Variants in PLEKHM3 observed in about 807,000 individuals in gnomAD.
PLEKHM3 encodes pleckstrin homology domain-containing family M member 3.
PLEKHM3 carries 45 observed loss-of-function variants against 81.8 expected under a neutral mutation model. The ratio of observed to expected loss-of-function variants is 0.55; its 90% CI spans 0.43 to 0.71. PLEKHM3 has a LOEUF of 0.71. PLEKHM3 is among the 30% of genes least tolerant of loss of function. The pLI, the probability that PLEKHM3 is intolerant of heterozygous loss-of-function variation, is 0.00. For missense variants in PLEKHM3, 788 were observed against 924.3 expected (o/e 0.85, Z 1.91); for synonymous variants, 352 against 356.4 (o/e 0.99, Z 0.14).
intron 6 of PLEKHM3, among the ~76,000 whole-genome samples, chr2:207,879,233 T>C (rs2092574420): frequency 6.6e-6 from 1 of 152,298 alleles, no homozygotes; most frequent in African/African-American, 2.4e-5. Context: ...TGGAATTTGA[T>C]CTCAGGCCTG....
At chr2:208,024,038 G>C (rs1693219483) in intron 1 of PLEKHM3, among the ~76,000 whole-genome samples, 1 of 151,934 alleles carries the variant, frequency 6.6e-6, no homozygotes, top group African/African-American at 2.4e-5. Flanking sequence ...AGCCACAAGG[G>C]AGGCTGAGGT....
chr2:207,985,508 C>A (rs17640594), intron 2 of PLEKHM3, among the ~76,000 whole-genome samples: 2,148 of 152,040 alleles, frequency 0.014, 82 homozygotes, highest in East Asian at 0.14. Flanking sequence ...CACTTCTGCA[C>A]CCTAGCACCC....
intron 7 of PLEKHM3, chr2:207,852,823 T>C (rs1397563883): frequency 2.3e-6 from 1 of 436,444 alleles, no homozygotes; most frequent in East Asian, 7.0e-5. Context: ...AATCTGCATA[T>C]GGGTCTCCGA....
At chr2:207,911,352 C>T (rs1406147152) in intron 5 of PLEKHM3, among the ~76,000 whole-genome samples, 1 of 152,208 alleles carries the variant, frequency 6.6e-6, no homozygotes, top group Non-Finnish European at 1.5e-5. Flanking sequence ...CAGTTCCTAA[C>T]ATTTCTCTGT....
At chr2:207,996,267 A>G (rs943436160) in intron 2 of PLEKHM3, among the ~76,000 whole-genome samples, 1 of 152,120 alleles carries the variant, frequency 6.6e-6, no homozygotes, top group Non-Finnish European at 1.5e-5. Flanking sequence ...GCCTATGTTC[A>G]TTTTTCAGTA....
chr2:207,999,796 C>T (rs1195373071), intron 2 of PLEKHM3, among the ~76,000 whole-genome samples: 3 of 152,152 alleles, frequency 2.0e-5, no homozygotes, highest in African/African-American at 7.2e-5. Context: ...GCTTAACAGA[C>T]ATATTAAACT....
chr2:208,001,661 T>C lies in PLEKHM3; in HGVS notation c.-22A>G, dbSNP rs2106092966. ...CCATGTCACAGGCTCCAGGAGGCCT[T>C]AGCCTCCTAAGCTGGTTCCAGAAAT... On this transcript the variant is annotated 5_prime_UTR_variant, in exon 2 of 8. Coordinates refer to ENST00000427836, the MANE Select transcript of PLEKHM3 (RefSeq NM_001080475.3). 1 of 1,601,774 alleles carries C rather than the reference T, an allele frequency of 6.2e-7. No individual in the cohort carries two copies. Among genetic ancestry groups the C allele is most frequent in the Non-Finnish European group, 8.5e-7 (1 of 1,175,138 alleles).
chr2:207,916,434 T>C (rs1315127561), intron 5 of PLEKHM3, among the ~76,000 whole-genome samples: 1 of 152,188 alleles, frequency 6.6e-6, no homozygotes, highest in African/African-American at 2.4e-5. Context: ...TTATTTTTGT[T>C]TTCTCTTAGA....
At chr2:207,954,727 T>G (rs981995228) in intron 3 of PLEKHM3, among the ~76,000 whole-genome samples, 1 of 152,230 alleles carries the variant, frequency 6.6e-6, no homozygotes, top group African/African-American at 2.4e-5. Flanking sequence ...CTTTGACATG[T>G]AGGACCTACG....
At position 207,995,024 on chromosome 2, in the gene PLEKHM3, A is replaced by C. The variant is rs575308270; in HGVS notation, c.610+6006T>G. Among the ~76,000 whole-genome samples the C allele has an allele frequency of 2.0e-4, 30 of 152,308 alleles. No individual in the cohort carries two copies. In the South Asian group the frequency reaches 6.2e-3, roughly 32 times the overall value. ...GCGCGTGTATCACAGAACTTAAAGC[A>C]TAATAATTTTTTTTAATGGGGCAAA... On this transcript the variant is annotated intron_variant, in intron 2 of 7. Coordinates refer to ENST00000427836, the MANE Select transcript of PLEKHM3 (RefSeq NM_001080475.3).
At chr2:207,956,410 T>C (rs1205824674) in intron 3 of PLEKHM3, among the ~76,000 whole-genome samples, 1 of 151,456 alleles carries the variant, frequency 6.6e-6, no homozygotes, top group Non-Finnish European at 1.5e-5. Flanking sequence ...GAGGCGGAGG[T>C]TGCAGTGAGC....
rs1688717434 is a variant in PLEKHM3 at position 207,908,965 on chromosome 2, ATGT to A, written c.1887-391_1887-389del. Among the ~76,000 whole-genome samples, 3 of 152,294 alleles carry A rather than the reference ATGT, an allele frequency of 2.0e-5. No homozygotes were observed. In the South Asian group the frequency reaches 6.2e-4, roughly 32 times the overall value. On this transcript the variant is annotated intron_variant, in intron 5 of 7. Transcript: ENST00000427836. ...TTCACAGCAGAATGAGGGTGGTTTA[ATGT>A]GATGTCTCCAAATATCTTTCTAGCT...
intron 6 of PLEKHM3, among the ~76,000 whole-genome samples, chr2:207,864,216 T>C (rs2092483673): frequency 6.6e-6 from 1 of 152,212 alleles, no homozygotes; most frequent in South Asian, 2.1e-4. Context: ...TTTCTCTCCA[T>C]TACCTTTAGG....
In PLEKHM3 at chr2:207,962,523, T is replaced by G. The variant is rs1343923232; in HGVS notation, c.1546+14128A>C. ...CATTTTCCTGAGTTCTATGAGTTGT[T>G]CTAACAAATTATCAAACCTGAGGCG... On this transcript the variant is annotated intron_variant, in intron 3 of 7. Coordinates refer to ENST00000427836, the MANE Select transcript of PLEKHM3 (RefSeq NM_001080475.3). Among the ~76,000 whole-genome samples the G allele has an allele frequency of 5.9e-5, 9 of 152,236 alleles. No individual in the cohort carries two copies. In the South Asian group the frequency reaches 1.0e-3, roughly 17 times the overall value.
intron 5 of PLEKHM3, among the ~76,000 whole-genome samples, chr2:207,919,006 G>C (rs1047675959): frequency 7.2e-5 from 11 of 152,142 alleles, no homozygotes; most frequent in African/African-American, 2.7e-4. Flanking sequence ...CGTGTGTGGT[G>C]GGCAGTGGGG....
intron 1 of PLEKHM3, among the ~76,000 whole-genome samples, chr2:208,011,393 A>G (rs956250816): frequency 6.6e-6 from 1 of 152,226 alleles, no homozygotes; most frequent in Non-Finnish European, 1.5e-5. Flanking sequence ...ATATCTATAC[A>G]TCATATAGAT....
At position 207,923,905 on chromosome 2, in the gene PLEKHM3, A is replaced by ATATATATATATATTTT. The variant is rs1396762429; in HGVS notation, c.1886+7020_1886+7021insAAAATATATATATATA. Among the ~76,000 whole-genome samples, 9 of 28,332 alleles carry ATATATATATATATTTT rather than the reference A, an allele frequency of 3.2e-4. 1 individual carries two copies. Among genetic ancestry groups the ATATATATATATATTTT allele is most frequent in the Non-Finnish European group, 5.8e-4 (9 of 15,530 alleles). The allele number at this position is 28,332 out of a possible 152,430, so 18.6% of individuals were successfully genotyped here. On this transcript the variant is annotated intron_variant, in intron 5 of 7. Coordinates refer to ENST00000427836, the MANE Select transcript of PLEKHM3 (RefSeq NM_001080475.3). ...CATATATATATATATATATATATAT[A>ATATATATATATATTTT]TTTTTTTTTTTTTTTTTTTCTGAGG...
Position 207,825,984 on chromosome 2 carries a change from C to T in PLEKHM3, c.*2335G>A, listed in dbSNP as rs1478818262. 1 of 152,016 alleles carries T rather than the reference C, an allele frequency of 6.6e-6. No homozygotes were observed. Among genetic ancestry groups the T allele is most frequent in the Non-Finnish European group, 1.5e-5 (1 of 68,004 alleles). 9.4% of individuals were successfully genotyped at this position (152,016 alleles called of 1,614,324 possible). Reference sequence around the variant, plus strand: ...GCCCTTGACTCTCGGCAGGTATGACCCTGGGTGCCTGTGAGCTAGGAGAGG... The same window carrying T: ...GCCCTTGACTCTCGGCAGGTATGACTCTGGGTGCCTGTGAGCTAGGAGAGG... On this transcript the variant is annotated 3_prime_UTR_variant, in exon 8 of 8. Coordinates refer to ENST00000427836, the MANE Select transcript of PLEKHM3 (RefSeq NM_001080475.3).
chr2:208,021,186 C>G (rs1476905517), intron 1 of PLEKHM3, among the ~76,000 whole-genome samples: 1 of 152,138 alleles, frequency 6.6e-6, no homozygotes, highest in African/African-American at 2.4e-5. Flanking sequence ...TGGGCTAGAA[C>G]CAGCTTGGTT....
Sources: allele counts gnomAD v4.1 joint callset (sites outside exome capture counted in the v4.1 genomes callset), GRCh38; gene constraint gnomAD v4.1.1; transcripts MANE v1.5; gene names NCBI Gene and HGNC (gene_info 2026-07-23, HGNC 2026-07-21).